The following CACNA1C variants were observed in gnomAD, a reference collection of about 807,000 sequenced individuals.
CACNA1C encodes the protein voltage-dependent L-type calcium channel subunit alpha-1C.
CACNA1C carries 30 observed loss-of-function variants against 229.0 expected under a neutral mutation model. The observed-to-expected ratio is 0.13, with a 90% confidence interval of 0.10 to 0.18. The LOEUF (loss-of-function observed/expected upper bound fraction) is 0.18. CACNA1C is among the 10% of genes least tolerant of loss of function. CACNA1C has a pLI of 1.00. For missense variants in CACNA1C, 1,658 were observed against 2,845.0 expected (o/e 0.58, Z 9.49); for synonymous variants, 1,114 against 1,132.5 (o/e 0.98, Z 0.33).
At chr12:1,998,567 A>G (rs1324939850) in intron 1 of CACNA1C, among the ~76,000 whole-genome samples, 1 of 152,230 alleles carries the variant, frequency 6.6e-6, no homozygotes, top group Non-Finnish European at 1.5e-5. Context: ...AGATCACTGA[A>G]GTAAAGTTAC....
Position 2,152,688 on chromosome 12 carries a change from A to C in CACNA1C, c.477+32258A>C, listed in dbSNP as rs1490407850. On this transcript the variant is annotated intron_variant, in intron 3 of 46. Coordinates refer to ENST00000399655, the MANE Select transcript of CACNA1C (RefSeq NM_000719.7). This position sits in a 1 kb window ranked among gnomAD's most constrained non-coding sequence, Gnocchi z 4.2. ...ATTTTGGAAGGCAAAGAAATTTAAA[A>C]ATTAAGAAATAAAAATAAAACAACA... is the stretch of plus-strand genomic sequence containing the variant. Among the ~76,000 whole-genome samples, 1 of 152,238 alleles carries C rather than the reference A, an allele frequency of 6.6e-6. No individual in the cohort carries two copies. Among genetic ancestry groups the C allele is most frequent in the Non-Finnish European group, 1.5e-5 (1 of 68,038 alleles).
At chr12:2,688,803 G>C in intron 46 of CACNA1C, 24 bp downstream of exon 46, 1 of 1,468,868 alleles carries the variant, frequency 6.8e-7, no homozygotes, top group Non-Finnish European at 9.0e-7. Context: ...AGATGGGCAG[G>C]GGGGAGAGGC....
chr12:2,604,525 C>A (rs1008282117), intron 22 of CACNA1C, among the ~76,000 whole-genome samples: 2 of 152,170 alleles, frequency 1.3e-5, no homozygotes, highest in African/African-American at 4.8e-5. Context: ...GTACGGCATT[C>A]CTTTAAGTGT....
chr12:2,582,723 T>G lies in CACNA1C; in HGVS notation c.2104-99T>G, dbSNP rs866117005. 15 of 1,349,122 alleles carry G rather than the reference T, an allele frequency of 1.1e-5. No homozygotes were observed. In the African/African-American group the frequency reaches 1.4e-4, roughly 13 times the overall value. 83.6% of individuals were successfully genotyped at this position (1,349,122 alleles called of 1,614,324 possible). ...GAGGGAAAGAAGTGAAAGGGAAATT[T>G]TGGACAATTTTGTTGACGTAGTGGG... is the stretch of plus-strand genomic sequence containing the variant. On this transcript the variant is annotated intron_variant, in intron 14 of 46. Coordinates refer to ENST00000399655, the MANE Select transcript of CACNA1C (RefSeq NM_000719.7).
intron 10 of CACNA1C, among the ~76,000 whole-genome samples, chr12:2,553,233 T>G (rs1317638098): frequency 6.6e-6 from 1 of 151,686 alleles, no homozygotes; most frequent in Non-Finnish European, 1.5e-5. Flanking sequence ...GAGGCTGGGG[T>G]GGGGGGCGGA....
chr12:1,984,291 T>C (rs982620713), intron 1 of CACNA1C, among the ~76,000 whole-genome samples: 2 of 152,116 alleles, frequency 1.3e-5, no homozygotes, highest in African/African-American at 4.8e-5. Flanking sequence ...ATGTTTGTCA[T>C]GTTTTTTGCT....
intron 3 of CACNA1C, among the ~76,000 whole-genome samples, chr12:2,432,403 G>A (rs907904620): frequency 2.0e-5 from 3 of 152,206 alleles, no homozygotes; most frequent in African/African-American, 7.2e-5. Context: ...AATGCCTGGA[G>A]AGGGGAGATG....
At chr12:2,004,060 A>T in intron 1 of CACNA1C, 1 of 629,566 alleles carries the variant, frequency 1.6e-6, no homozygotes, top group Non-Finnish European at 2.7e-6. Context: ...TACGTTAGAG[A>T]TTTAAGTCTT....
chr12:2,313,504 G>A (rs2095538930), intron 3 of CACNA1C, among the ~76,000 whole-genome samples: 2 of 152,244 alleles, frequency 1.3e-5, no homozygotes, highest in South Asian at 4.1e-4. Flanking sequence ...TAAGATTAAG[G>A]GCCTAGAAAA....
chr12:2,161,756 C>T (rs563191306), intron 3 of CACNA1C, among the ~76,000 whole-genome samples: 1 of 152,298 alleles, frequency 6.6e-6, no homozygotes, highest in South Asian at 2.1e-4. Context: ...GGCTTTTGAG[C>T]CCAGACTAAA....
intron 3 of CACNA1C, among the ~76,000 whole-genome samples, chr12:2,143,530 G>A (rs928917626): frequency 1.3e-5 from 2 of 151,032 alleles, no homozygotes; most frequent in East Asian, 1.9e-4. Flanking sequence ...ACCATTGTGC[G>A]ACAGTTGCTA....
intron 1 of CACNA1C, among the ~76,000 whole-genome samples, chr12:2,106,221 C>T (rs1321265808): frequency 6.2e-4 from 28 of 45,176 alleles, no homozygotes; most frequent in East Asian, 1.5e-3. Context: ...GTGCCCACCC[C>T]GGAGAGGGTT....
intron 9 of CACNA1C, among the ~76,000 whole-genome samples, chr12:2,541,225 G>T (rs1005828440): frequency 2.6e-5 from 4 of 152,152 alleles, no homozygotes; most frequent in African/African-American, 9.7e-5. Context: ...CTGAATTTCC[G>T]AGGGGATATA....
At chr12:2,583,286 C>T (rs1299925369) in intron 15 of CACNA1C, among the ~76,000 whole-genome samples, 3 of 152,196 alleles carry the variant, frequency 2.0e-5, no homozygotes, top group African/African-American at 7.2e-5. Flanking sequence ...GGGGCCGCGG[C>T]GTCTGCTCAG....
chr12:2,641,572 T>G (rs968100941), intron 30 of CACNA1C: 11 of 607,956 alleles, frequency 1.8e-5, no homozygotes, highest in Non-Finnish European at 3.3e-5. Flanking sequence ...TCTTCCCACT[T>G]TCGGCAACAG....
upstream of CACNA1C, chr12:2,048,416 C>T (rs576653705): frequency 6.6e-6 from 1 of 152,306 alleles, no homozygotes; most frequent in Non-Finnish European, 1.5e-5. Flanking sequence ...GAAATGCCCA[C>T]CCTTATATAC....
chr12:2,334,851 G>C (rs1319547106), intron 3 of CACNA1C, among the ~76,000 whole-genome samples: 3 of 152,178 alleles, frequency 2.0e-5, no homozygotes, highest in Admixed American at 6.5e-5. Flanking sequence ...TCCTAAATTA[G>C]ATAGAAATGT....
At chr12:2,559,049 G>A (rs1234924221) in intron 11 of CACNA1C, among the ~76,000 whole-genome samples, 4 of 152,168 alleles carry the variant, frequency 2.6e-5, no homozygotes, top group African/African-American at 9.7e-5. Flanking sequence ...AATATTTGCT[G>A]GGTGAGTGAG....
At chr12:2,374,351 T>G (rs535860490) in intron 3 of CACNA1C, among the ~76,000 whole-genome samples, 1 of 152,388 alleles carries the variant, frequency 6.6e-6, no homozygotes, top group Admixed American at 6.5e-5. Context: ...CATTTTCTGC[T>G]TTGGTGTTAT....
Sources: gnomAD v4.1 joint callset for allele counts (sites outside exome capture counted in the v4.1 genomes callset) on GRCh38, gnomAD v4.1.1 for gene constraint, Gnocchi (gnomAD v3.1) non-coding constraint, MANE v1.5 for transcripts, NCBI Gene and HGNC (gene_info 2026-07-23, HGNC 2026-07-21) for gene names.